ATRNL1: variants seen among roughly 807,000 people sequenced by gnomAD.
ATRNL1 encodes the protein attractin like 1, also known as attractin-like protein 1.
Under a neutral mutation model 182.7 loss-of-function variants are expected in ATRNL1, and 95 were observed. That is an observed-to-expected ratio of 0.52 (90% CI 0.44 to 0.62). ATRNL1 has a LOEUF of 0.62. Among genes scored for constraint, ATRNL1 ranks in the 20% least tolerant of loss-of-function variants. The probability of loss-of-function intolerance (pLI) is 0.00; values close to 1 mark genes in which losing one functional copy is unlikely to be tolerated. For synonymous variants in ATRNL1, 576 were observed against 568.3 expected (o/e 1.01, Z -0.19); for missense variants, 1,471 against 1,679.5 (o/e 0.88, Z 2.17).
At chr10:115,275,804 A>G (rs1026100244) in intron 13 of ATRNL1, among the ~76,000 whole-genome samples, 18 of 151,998 alleles carry the variant, frequency 1.2e-4, no homozygotes, top group African/African-American at 4.4e-4. Flanking sequence ...GGACAAATCC[A>G]CTCTAACATT....
intron 21 of ATRNL1, among the ~76,000 whole-genome samples, chr10:115,446,264 C>T (rs1188992344): frequency 3.3e-5 from 5 of 151,914 alleles, no homozygotes; most frequent in East Asian, 1.9e-4. Flanking sequence ...GAGGCTTTTT[C>T]GTATTTGACC....
At chr10:115,442,374 T>G (rs782125119) in intron 21 of ATRNL1, among the ~76,000 whole-genome samples, 2 of 151,708 alleles carry the variant, frequency 1.3e-5, no homozygotes, top group Non-Finnish European at 1.5e-5. Context: ...TTTCACTGAT[T>G]GTTTACATGA....
At chr10:115,130,042 AC>A (rs1180549001) in intron 5 of ATRNL1, among the ~76,000 whole-genome samples, 11 of 152,182 alleles carry the variant, frequency 7.2e-5, no homozygotes, top group Non-Finnish European at 1.5e-4. Flanking sequence ...GAAGTCAGAT[AC>A]CTAGGAAAGA....
chr10:115,209,132 G>GA (rs1310203780), intron 8 of ATRNL1, among the ~76,000 whole-genome samples: 18 of 151,646 alleles, frequency 1.2e-4, no homozygotes, highest in Admixed American at 4.0e-4. Context: ...TCAAAAACCA[G>GA]AAAAAATATA....
At chr10:115,160,820 C>T (rs1489486882) in intron 6 of ATRNL1, among the ~76,000 whole-genome samples, 2 of 151,736 alleles carry the variant, frequency 1.3e-5, no homozygotes, top group African/African-American at 4.8e-5. Flanking sequence ...TAGGGAGAAT[C>T]ATTTGATTTT....
At chr10:115,115,352 A>G (rs1470503665) in intron 1 of ATRNL1, among the ~76,000 whole-genome samples, 3 of 152,106 alleles carry the variant, frequency 2.0e-5, no homozygotes, top group Non-Finnish European at 4.4e-5. Flanking sequence ...TAATGTTACT[A>G]ATTGTGCATT....
At chr10:115,377,755 A>G (rs1857759620) in intron 19 of ATRNL1, among the ~76,000 whole-genome samples, 1 of 152,006 alleles carries the variant, frequency 6.6e-6, no homozygotes, top group Admixed American at 6.6e-5. Flanking sequence ...TTGCCTCTGA[A>G]ATTATGGTTG....
In ATRNL1 at chr10:115,365,067, A is replaced by G. The variant is rs1454727178; in HGVS notation, c.3176-29592A>G. Reference sequence around the variant, plus strand: ...GTTAGGGAGGATTCCCTCTTTTTCTATTGATTGGAATAGTTTCAGAAGGAA... The same window carrying G: ...GTTAGGGAGGATTCCCTCTTTTTCTGTTGATTGGAATAGTTTCAGAAGGAA... On this transcript the variant is annotated intron_variant, in intron 19 of 28. Transcript: ENST00000355044. 9.3e-3 allele frequency among the ~76,000 whole-genome samples: 1,370 copies of G among 148,034 alleles called. 27 individuals carry two copies. The highest frequency in any genetic ancestry group is 0.033 in the African/African-American group (1,309 of 40,120).
chr10:115,486,481 A>T (rs1396765053), intron 24 of ATRNL1, among the ~76,000 whole-genome samples: 3 of 151,908 alleles, frequency 2.0e-5, no homozygotes, highest in African/African-American at 4.8e-5. Flanking sequence ...TTTGATTTGC[A>T]TTTCTCTAAT....
At chr10:115,212,811 C>T (rs1459687165) in intron 8 of ATRNL1, among the ~76,000 whole-genome samples, 1 of 151,824 alleles carries the variant, frequency 6.6e-6, no homozygotes, top group Non-Finnish European at 1.5e-5. Context: ...AACACATGGA[C>T]ACATAGAGGG....
At chr10:115,111,533 G>A (rs1351750353) in intron 1 of ATRNL1, among the ~76,000 whole-genome samples, 1 of 152,120 alleles carries the variant, frequency 6.6e-6, no homozygotes, top group Non-Finnish European at 1.5e-5. Context: ...CATATGGCAG[G>A]AGAGGAAGCA....
chr10:115,836,564 C>G lies in ATRNL1; in HGVS notation c.3904-11313C>G, dbSNP rs578108143. Among the ~76,000 whole-genome samples, 20 of 152,308 alleles carry G rather than the reference C, an allele frequency of 1.3e-4. No homozygotes were observed. In the South Asian group the frequency reaches 4.1e-3, roughly 32 times the overall value. ...GGCGTTGCCTGCAAACCTTGGTGCT[C>G]CTTGGCTTGTAGATGCATCACTGCA... On this transcript the variant is annotated intron_variant, in intron 27 of 28. Transcript: ENST00000355044.
chr10:115,588,080 T>C (rs11197320), intron 26 of ATRNL1, among the ~76,000 whole-genome samples: 72,382 of 151,952 alleles, frequency 0.48, 18,708 homozygotes, highest in East Asian at 0.84. Flanking sequence ...AAGTTTTCCT[T>C]TCTTTTTTAC....
chr10:115,304,491 T>C (rs1176959811), intron 17 of ATRNL1, among the ~76,000 whole-genome samples: 1 of 151,994 alleles, frequency 6.6e-6, no homozygotes, highest in Non-Finnish European at 1.5e-5. Context: ...GAGAGTTTAA[T>C]AGGCAAGAAA....
intron 19 of ATRNL1, among the ~76,000 whole-genome samples, chr10:115,370,437 AATGAT>A (rs1486171182): frequency 6.6e-6 from 1 of 152,210 alleles, no homozygotes; most frequent in Non-Finnish European, 1.5e-5. Context: ...AAATGCTGAT[AATGAT>A]ATGGACAATG....
At chr10:115,594,882 C>A (rs2769398) in intron 26 of ATRNL1, among the ~76,000 whole-genome samples, 72,404 of 151,974 alleles carry the variant, frequency 0.48, 18,718 homozygotes, top group East Asian at 0.84. Context: ...TCAAACAGAG[C>A]TTTTAGAGGT....
chr10:115,136,797 A>G (rs915040410), intron 5 of ATRNL1, among the ~76,000 whole-genome samples: 10 of 152,228 alleles, frequency 6.6e-5, no homozygotes, highest in African/African-American at 2.2e-4. Context: ...GCACTGAATA[A>G]TATTCCATTA....
intron 21 of ATRNL1, among the ~76,000 whole-genome samples, chr10:115,433,600 A>C (rs559460623): frequency 2.6e-5 from 4 of 152,256 alleles, no homozygotes; most frequent in Admixed American, 6.5e-5. Flanking sequence ...TTGATTCCTC[A>C]GTATTTTTAT....
At chr10:115,676,304 T>G (rs1487568328) in intron 26 of ATRNL1, among the ~76,000 whole-genome samples, 3 of 151,994 alleles carry the variant, frequency 2.0e-5, no homozygotes, top group African/African-American at 7.2e-5. Flanking sequence ...TTACTAGAGA[T>G]CGACCATAGC....
Sources: gnomAD v4.1 joint callset for allele counts (sites outside exome capture counted in the v4.1 genomes callset) on GRCh38, gnomAD v4.1.1 for gene constraint, MANE v1.5 for transcripts, NCBI Gene and HGNC (gene_info 2026-07-23, HGNC 2026-07-21) for gene names.